Variants in ARHGAP31 observed in about 807,000 individuals in gnomAD.
The protein encoded by ARHGAP31 is rho GTPase-activating protein 31.
Under a neutral mutation model 113.9 loss-of-function variants are expected in ARHGAP31, and 34 were observed. The observed-to-expected ratio is 0.30, with a 90% CI of 0.23 to 0.40. The LOEUF (loss-of-function observed/expected upper bound fraction) is 0.40, where lower values mean the gene tolerates loss of function less well. Among genes scored for constraint, ARHGAP31 ranks in the 10% least tolerant of loss-of-function variants. The pLI is 1.00. For synonymous variants in ARHGAP31, 650 were observed against 684.8 expected (o/e 0.95, Z 0.79); for missense variants, 1,548 against 1,767.1 (o/e 0.88, Z 2.22).
intron 1 of ARHGAP31, among the ~76,000 whole-genome samples, chr3:119,359,828 A>C (rs2080190314): frequency 1.3e-5 from 2 of 152,160 alleles, no homozygotes; most frequent in South Asian, 4.1e-4. Flanking sequence ...AATGCTGAAG[A>C]GGGGGCCCAT....
intron 1 of ARHGAP31, among the ~76,000 whole-genome samples, chr3:119,306,440 C>T (rs1453463590): frequency 6.6e-6 from 1 of 152,098 alleles, no homozygotes; most frequent in African/African-American, 2.4e-5. Flanking sequence ...GCCTGTAATC[C>T]CAGCTACATG....
At position 119,382,341 on chromosome 3, in the gene ARHGAP31, A is replaced by C. The variant is rs768694008; in HGVS notation, c.481A>C (p.Ser161Arg). 1 of 1,614,188 alleles carries C rather than the reference A, an allele frequency of 6.2e-7. No individual in the cohort carries two copies. Among genetic ancestry groups the C allele is most frequent in the Non-Finnish European group, 8.5e-7 (1 of 1,180,022 alleles). ...RHLAHIASFS[S>R]KTNMHARNLA... ...CCTGGCCCATATCGCCTCCTTCAGC[A>C]GCAAGACCAACATGCACGCCCGGAA... Residue 161 changes from serine to arginine, a missense_variant, in exon 5 of 12, where the codon AGC becomes CGC. Transcript: ENST00000264245.
At chr3:119,392,522 G>A (rs1210626973) in intron 7 of ARHGAP31, among the ~76,000 whole-genome samples, 1 of 152,210 alleles carries the variant, frequency 6.6e-6, no homozygotes, top group East Asian at 1.9e-4. Flanking sequence ...CGGAGAATAG[G>A]TCCTTTGTGG....
chr3:119,328,416 G>C (rs771907093), intron 1 of ARHGAP31, among the ~76,000 whole-genome samples: 14 of 152,164 alleles, frequency 9.2e-5, no homozygotes, highest in African/African-American at 2.2e-4. Context: ...CAAAGCAGAC[G>C]ATTCCATCTG....
chr3:119,414,270 C>T lies in ARHGAP31; in HGVS notation c.2341C>T (p.Leu781Phe). The T allele has an allele frequency of 6.2e-7, 1 of 1,614,204 alleles. No homozygotes were observed. The highest frequency in any genetic ancestry group is 8.5e-7 in the Non-Finnish European group (1 of 1,180,024). Residue 781 changes from leucine (L) to phenylalanine (F), a missense_variant, in exon 12 of 12, where the codon CTC becomes TTC. Transcript: ENST00000264245. ...VGGPGNLSPP[L>F]PPAPPPPTPL... ...AGGCCCAGGCAATCTGTCTCCTCCACTCCCACCTGCTCCTCCCCCTCCAAC... is the reference window on the plus strand; with the variant it reads ...AGGCCCAGGCAATCTGTCTCCTCCATTCCCACCTGCTCCTCCCCCTCCAAC...
chr3:119,314,248 C>G (rs2079709639), intron 1 of ARHGAP31: 1 of 152,330 alleles, frequency 6.6e-6, no homozygotes, highest in Admixed American at 6.5e-5. Flanking sequence ...TCCAACCCAT[C>G]TTTTGCACCT....
Position 119,361,815 on chromosome 3 carries a change from C to T in ARHGAP31, c.101-3501C>T, listed in dbSNP as rs372934890. Among the ~76,000 whole-genome samples the T allele has an allele frequency of 1.1e-4, 16 of 152,302 alleles. No individual in the cohort carries two copies. The East Asian group carries it at 2.9e-3, about 28-fold the overall frequency. ...GATTACACAGAGATTGAGTCCTTTC[C>T]CATTACTGAGTAACAACGATGGAGA... is the stretch of plus-strand genomic sequence containing the variant. On this transcript the variant is annotated intron_variant, in intron 1 of 11. Transcript: ENST00000264245.
chr3:119,354,226 A>G (rs2080136158), intron 1 of ARHGAP31, among the ~76,000 whole-genome samples: 1 of 152,230 alleles, frequency 6.6e-6, no homozygotes, highest in Non-Finnish European at 1.5e-5. Flanking sequence ...TAATAACCTC[A>G]ACAGGGTCAC....
rs1289494947 is a variant in ARHGAP31 at position 119,414,153 on chromosome 3, G to A, written c.2224G>A (p.Glu742Lys). Residue 742 changes from glutamate (E) to lysine (K), a missense_variant, in exon 12 of 12, where the codon GAG becomes AAG. Transcript: ENST00000264245. ...AGCCAGCAGAGAGAAGCCGGAACCTGAGCAGGGCCTGCACCCAGACCTCGC... is the reference window on the plus strand; with the variant it reads ...AGCCAGCAGAGAGAAGCCGGAACCTAAGCAGGGCCTGCACCCAGACCTCGC... ...TAASREKPEPEQGLHPDLASL... is the reference protein window; with the variant it reads ...TAASREKPEPKQGLHPDLASL... 1.9e-6 allele frequency: 3 copies of A among 1,614,160 alleles called. No individual in the cohort carries two copies. The highest frequency in any genetic ancestry group is 2.2e-5 in the South Asian group (2 of 91,070).
At position 119,393,538 on chromosome 3, in the gene ARHGAP31, A is replaced by C. The variant is rs760677214; in HGVS notation, c.953A>C (p.Lys318Thr). ...CTGGGACGTTCTGGATCAGACTCCA[A>C]ATCAAAACTGAGTAGAAATGGGAGT... ...FNLGRSGSDS[K>T]SKLSRNGSVF... The change falls in exon 8 of 12, where the codon AAA becomes ACA. Residue 318 changes from lysine (K) to threonine (T), a missense_variant. Coordinates refer to ENST00000264245, the MANE Select transcript of ARHGAP31 (RefSeq NM_020754.4). 4.3e-6 allele frequency: 7 copies of C among 1,614,158 alleles called. No individual in the cohort carries two copies. The highest frequency in any genetic ancestry group is 3.3e-5 in the South Asian group (3 of 91,088).
chr3:119,306,997 C>T (rs2079636375), intron 1 of ARHGAP31, among the ~76,000 whole-genome samples: 1 of 150,922 alleles, frequency 6.6e-6, no homozygotes. Flanking sequence ...CATAAATGCC[C>T]TTTGTTTCAA....
At chr3:119,390,001 T>C (rs948473525) in intron 6 of ARHGAP31, among the ~76,000 whole-genome samples, 4 of 152,210 alleles carry the variant, frequency 2.6e-5, no homozygotes, top group Admixed American at 6.5e-5. Context: ...CACACATTGA[T>C]GACCATCAAA....
chr3:119,400,334 G>T (rs1192972390), intron 9 of ARHGAP31, among the ~76,000 whole-genome samples: 1 of 152,064 alleles, frequency 6.6e-6, no homozygotes, highest in Non-Finnish European at 1.5e-5. Flanking sequence ...TACTCAGGAA[G>T]CCGAGGCACA....
At chr3:119,396,684 C>T (rs1177770878) in intron 8 of ARHGAP31, among the ~76,000 whole-genome samples, 3 of 152,048 alleles carry the variant, frequency 2.0e-5, no homozygotes, top group Non-Finnish European at 2.9e-5. Flanking sequence ...AGTGGATTAA[C>T]ATATGTAAAT....
intron 3 of ARHGAP31, 49 bp downstream of exon 3, chr3:119,368,565 G>C (rs1482071662): frequency 1.2e-6 from 2 of 1,606,092 alleles, no homozygotes; most frequent in Admixed American, 3.3e-5. Flanking sequence ...TGCATGGATG[G>C]GCCAAGAAGA....
chr3:119,336,503 G>T (rs992727828), intron 1 of ARHGAP31, among the ~76,000 whole-genome samples: 1 of 152,128 alleles, frequency 6.6e-6, no homozygotes, highest in African/African-American at 2.4e-5. Context: ...AGTTAAAAAT[G>T]ACAATAAAAC....
At position 119,383,250 on chromosome 3, in the gene ARHGAP31, C is replaced by T. The variant is rs373737244; in HGVS notation, c.682+24C>T. 18 of 1,613,598 alleles carry T rather than the reference C, an allele frequency of 1.1e-5. No individual in the cohort carries two copies. In the African/African-American group the frequency reaches 2.1e-4, roughly 19 times the overall value. Reference sequence around the variant, plus strand: ...TGGTAAGGACTCCTCCTAGCATACACTCCACCAGCTTATCCTTCTTTCTTG... The same window carrying T: ...TGGTAAGGACTCCTCCTAGCATACATTCCACCAGCTTATCCTTCTTTCTTG... On this transcript the variant is annotated intron_variant, in intron 6 of 11. Transcript: ENST00000264245.
chr3:119,402,338 G>T lies in ARHGAP31; in HGVS notation c.1586G>T (p.Gly529Val). ...LSSLEEFSFH[G>V]SESGGWPEEE... is the part of the protein sequence containing the mutation. The stretch of plus-strand genomic sequence containing the variant: ...AGCCTGGAAGAGTTTTCTTTTCATG[G>T]ATCAGAGAGCGGAGGCTGGCCAGAA... The change falls in exon 10 of 12, where the codon GGA becomes GTA. Residue 529 changes from glycine to valine, a missense_variant. Transcript: ENST00000264245. 1 of 1,614,016 alleles carries T rather than the reference G, an allele frequency of 6.2e-7. No individual in the cohort carries two copies. Among genetic ancestry groups the T allele is most frequent in the South Asian group, 1.1e-5 (1 of 91,086 alleles).
chr3:119,356,257 T>G (rs765587219), intron 1 of ARHGAP31, among the ~76,000 whole-genome samples: 1 of 152,268 alleles, frequency 6.6e-6, no homozygotes, highest in South Asian at 2.1e-4. Context: ...TGCTTTCTTA[T>G]GTATTCTTCC....
Sources: allele counts gnomAD v4.1 joint callset (sites outside exome capture counted in the v4.1 genomes callset), GRCh38; gene constraint gnomAD v4.1.1; transcripts MANE v1.5; gene names NCBI Gene and HGNC (gene_info 2026-07-23, HGNC 2026-07-21).